Variants in RASA4B observed in about 807,000 individuals in gnomAD.
The protein encoded by RASA4B is RAS p21 protein activator 4B.
RASA4B carries 2 observed loss-of-function variants against 24.2 expected under a neutral mutation model. The observed-to-expected ratio is 0.08, with a 90% CI of 0.03 to 0.26. The LOEUF (loss-of-function observed/expected upper bound fraction) is 0.26, where lower values mean the gene tolerates loss of function less well. RASA4B is among the 10% of genes least tolerant of loss of function. The pLI, the probability that RASA4B is intolerant of heterozygous loss-of-function variation, is 1.00. For missense variants in RASA4B, 8 were observed against 277.2 expected (o/e 0.03, Z 6.90); for synonymous variants, 2 against 125.6 (o/e 0.02, Z 6.58).
rs1798587718 is a variant in RASA4B, at chr7:102,480,425, TTGGCTCTCCC to T, written c.*3157_*3166del. Among the ~76,000 whole-genome samples, 1 of 146,742 alleles carries T rather than the reference TTGGCTCTCCC, an allele frequency of 6.8e-6. No individual in the cohort carries two copies. The highest frequency in any genetic ancestry group is 2.2e-4 in the South Asian group (1 of 4,460). On this transcript the variant is annotated 3_prime_UTR_variant, in exon 21 of 21. Coordinates refer to ENST00000465829, the MANE Select transcript of RASA4B (RefSeq NM_001367767.2). The stretch of plus-strand genomic sequence containing the variant: ...GTGAGATGCGTGTGAAAATGCAAAC[TTGGCTCTCCC>T]TGGCTGGAGGCTGGCATTGGGTGAG...
intron 11 of RASA4B, among the ~76,000 whole-genome samples, chr7:102,495,698 A>C: frequency 3.6e-5 from 1 of 28,066 alleles, no homozygotes; most frequent in Non-Finnish European, 7.0e-5. Flanking sequence ...TTTTAATCAC[A>C]CACACATTCT....
Position 102,480,301 on chromosome 7 carries a change from A to G in RASA4B, c.*3291T>C, listed in dbSNP as rs1798584097. 6.6e-6 allele frequency among the ~76,000 whole-genome samples: 1 copy of G among 152,044 alleles called. No homozygotes were observed. The highest frequency in any genetic ancestry group is 6.6e-5 in the Admixed American group (1 of 15,208). On this transcript the variant is annotated 3_prime_UTR_variant, in exon 21 of 21. Transcript: ENST00000465829. The stretch of plus-strand genomic sequence containing the variant: ...TCAGGATGAGGGTGGTGAGGTGGTG[A>G]TCAGGGGGACCCATGCTTCTGCTCA...
In RASA4B at chr7:102,480,021, C is replaced by G. The variant is rs1402066692; in HGVS notation, c.*3571G>C. ...TTCCAATATTATAATAATCCTCGCT[C>G]TACAATCATAACCTAGGAAACACCA... On this transcript the variant is annotated 3_prime_UTR_variant, in exon 21 of 21. Coordinates refer to ENST00000465829, the MANE Select transcript of RASA4B (RefSeq NM_001367767.2). Among the ~76,000 whole-genome samples, 2 of 152,114 alleles carry G rather than the reference C, an allele frequency of 1.3e-5. No individual in the cohort carries two copies. Among genetic ancestry groups the G allele is most frequent in the Non-Finnish European group, 2.9e-5 (2 of 68,040 alleles).
At chr7:102,497,274 C>G (rs1463440643) in intron 8 of RASA4B, among the ~76,000 whole-genome samples, 1 of 151,608 alleles carries the variant, frequency 6.6e-6, no homozygotes, top group African/African-American at 2.4e-5. Context: ...CAGATAATGG[C>G]ACCATCATGG....
intron 6 of RASA4B, among the ~76,000 whole-genome samples, chr7:102,502,659 C>T (rs549017255): frequency 8.8e-6 from 1 of 113,622 alleles, no homozygotes; most frequent in Non-Finnish European, 2.2e-5. Flanking sequence ...ACTCGTGTGG[C>T]TGAGGCAGGA....
intron 8 of RASA4B, among the ~76,000 whole-genome samples, chr7:102,500,342 G>A (rs1234155928): frequency 1.3e-5 from 1 of 77,144 alleles, no homozygotes; most frequent in Non-Finnish European, 2.7e-5. Flanking sequence ...CGCGGTGGCG[G>A]GTGCCTGTAG....
intron 8 of RASA4B, among the ~76,000 whole-genome samples, chr7:102,498,066 A>G (rs1363308196): frequency 1.4e-3 from 160 of 115,148 alleles, no homozygotes; most frequent in African/African-American, 4.6e-3. Context: ...TTATTTACTT[A>G]TTAACTATTT....
intron 8 of RASA4B, among the ~76,000 whole-genome samples, chr7:102,498,381 C>A (rs1586773149): frequency 3.7e-5 from 5 of 136,958 alleles, no homozygotes; most frequent in East Asian, 4.7e-4. Flanking sequence ...CCATCCTCAG[C>A]CTCCCAAGTA....
At position 102,489,661 on chromosome 7, in the gene RASA4B, T is replaced by C. The variant is rs573051121; in HGVS notation, c.1969-1063A>G. Among the ~76,000 whole-genome samples the C allele has an allele frequency of 1.2e-3, 176 of 149,170 alleles. 1 individual carries two copies. Among genetic ancestry groups the C allele is most frequent in the Non-Finnish European group, 2.0e-3 (135 of 66,906 alleles). ...GCACCCACCACCACACCCGGCTACT[T>C]TTTGTACTCTCCCTGACCACTCTTA... On this transcript the variant is annotated intron_variant, in intron 17 of 20. Coordinates refer to ENST00000465829, the MANE Select transcript of RASA4B (RefSeq NM_001367767.2).
chr7:102,489,426 C>T (rs1798819716), intron 17 of RASA4B, among the ~76,000 whole-genome samples: 1 of 131,498 alleles, frequency 7.6e-6, no homozygotes, highest in Admixed American at 8.3e-5. Context: ...CACCCTCCTA[C>T]AAGGTCCCTG....
At chr7:102,512,851 G>A (rs1799744446) in intron 1 of RASA4B, among the ~76,000 whole-genome samples, 1 of 148,520 alleles carries the variant, frequency 6.7e-6, no homozygotes, top group African/African-American at 2.4e-5. Context: ...AGAGGGAGGG[G>A]GAGACTGAGG....
rs1799022058 is a variant in RASA4B, at chr7:102,493,233, CCCCTCCTTCACAGGTGGCGCCTGCAAA to C, written c.1686_1712del (p.Ser562_Gly571delinsArg). ...CCTTGGTCCTGTGGATGAAGAGTGG[CCCCTCCTTCACAGGTGGCGCCTGCAAA>C]CTCAGCGTCCGCTGCAGGTCCAGCT... On this transcript the variant is annotated inframe_deletion, in exon 16 of 21. Coordinates refer to ENST00000465829, the MANE Select transcript of RASA4B (RefSeq NM_001367767.2). 2.5e-6 allele frequency: 1 copy of C among 395,340 alleles called. No individual in the cohort carries two copies. Among genetic ancestry groups the C allele is most frequent in the African/African-American group, 2.3e-5 (1 of 43,176 alleles). 24.5% of individuals were successfully genotyped at this position (395,340 alleles called of 1,614,324 possible). A position where few individuals can be genotyped will look rare whatever the true frequency, so the allele number is the denominator to read the frequency against.
chr7:102,491,462 C>T (rs1204509784), intron 16 of RASA4B, among the ~76,000 whole-genome samples: 3 of 46,818 alleles, frequency 6.4e-5, no homozygotes, highest in African/African-American at 9.8e-5. Flanking sequence ...CTTTTGTAGT[C>T]CCAGGCTCTA....
rs578079061 is a variant in RASA4B, at chr7:102,500,503, A to T, written c.737+196T>A. On this transcript the variant is annotated intron_variant, in intron 8 of 20. Coordinates refer to ENST00000465829, the MANE Select transcript of RASA4B (RefSeq NM_001367767.2). ...ATAAATAAATAAATAAATAAATAAT[A>T]AATAAAGGGGAGGTGGAGCCCAGCC... is the stretch of plus-strand genomic sequence containing the variant. 2.6e-4 allele frequency among the ~76,000 whole-genome samples: 37 copies of T among 142,770 alleles called. 1 individual carries two copies. Among genetic ancestry groups the T allele is most frequent in the Admixed American group, 7.1e-4 (10 of 13,990 alleles). 93.7% of individuals were successfully genotyped at this position (142,770 alleles called of 152,430 possible).
At chr7:102,491,737 G>A (rs1374624366) in intron 16 of RASA4B, among the ~76,000 whole-genome samples, 3 of 79,698 alleles carry the variant, frequency 3.8e-5, no homozygotes, top group Non-Finnish European at 3.2e-5. Flanking sequence ...ATTGCACTCT[G>A]GCCTGGGCAA....
intron 8 of RASA4B, among the ~76,000 whole-genome samples, chr7:102,498,487 C>T (rs1485032865): frequency 6.9e-6 from 1 of 145,432 alleles, no homozygotes; most frequent in African/African-American, 2.5e-5. Context: ...GTCTTGAACT[C>T]CTGATCTCAT....
At chr7:102,489,640 C>G (rs74558171) in intron 17 of RASA4B, among the ~76,000 whole-genome samples, 132,806 of 142,772 alleles carry the variant, frequency 0.93, 61,697 homozygotes, top group Middle Eastern at 0.97. Flanking sequence ...CTACAGGCAC[C>G]CACCACCACA....
In RASA4B at chr7:102,499,190, A is replaced by AT. The variant is rs1799285800; in HGVS notation, c.737+1508_737+1509insA. 8.3e-4 allele frequency among the ~76,000 whole-genome samples: 73 copies of AT among 88,206 alleles called. No homozygotes were observed. In the South Asian group the frequency reaches 9.9e-3, roughly 12 times the overall value. The allele number at this position is 88,206 out of a possible 152,430, so 57.9% of individuals were successfully genotyped here. ...GACAGAGTGAGATTCTGCTCAAAAA[A>AT]AAAATATATATATATATATATTCAC... On this transcript the variant is annotated intron_variant, in intron 8 of 20. Coordinates refer to ENST00000465829, the MANE Select transcript of RASA4B (RefSeq NM_001367767.2).
chr7:102,498,321 G>T (rs1488437363), intron 8 of RASA4B, among the ~76,000 whole-genome samples: 12 of 149,682 alleles, frequency 8.0e-5, no homozygotes, highest in Non-Finnish European at 1.2e-4. Context: ...GAGTGCAGTG[G>T]CGCGATCTCG....
Sources: gnomAD v4.1 joint callset for allele counts (sites outside exome capture counted in the v4.1 genomes callset) on GRCh38, gnomAD v4.1.1 for gene constraint, MANE v1.5 for transcripts, NCBI Gene and HGNC (gene_info 2026-07-23, HGNC 2026-07-21) for gene names.